Variants in PDZRN4 observed in about 807,000 individuals in gnomAD.
The protein encoded by PDZRN4 is PDZ domain containing ring finger 4.
PDZRN4 carries 70 observed loss-of-function variants against 99.0 expected under a neutral mutation model. The observed-to-expected ratio is 0.71, with a 90% CI of 0.58 to 0.86. PDZRN4 has a LOEUF of 0.86. PDZRN4 is among the 40% of genes least tolerant of loss of function. PDZRN4 has a pLI of 0.00. For synonymous variants in PDZRN4, 551 were observed against 501.6 expected, an observed-to-expected ratio of 1.10 and a Z score of -1.32; for missense variants, 1,474 against 1,331.2, an observed-to-expected ratio of 1.11 and a Z score of -1.67.
At position 41,516,633 on chromosome 12, in the gene PDZRN4, G is replaced by A. The variant is rs187197206; in HGVS notation, c.1203+6720G>A. Among the ~76,000 whole-genome samples, 56 of 152,134 alleles carry A rather than the reference G, an allele frequency of 3.7e-4. No individual in the cohort carries two copies. In the East Asian group the frequency reaches 9.3e-3, roughly 25 times the overall value. ...CATATGCGTGTTTTACCACAAATGC[G>A]TAAGCTGGTGAACCCTGGTAGATAG... On this transcript the variant is annotated intron_variant, in intron 5 of 9. Transcript: ENST00000402685.
chr12:41,200,083 A>G (rs1291957399), intron 3 of PDZRN4, among the ~76,000 whole-genome samples: 3 of 152,174 alleles, frequency 2.0e-5, no homozygotes, highest in Non-Finnish European at 4.4e-5. Flanking sequence ...GTGACACTGT[A>G]GATTTATTCA....
chr12:41,513,031 C>T (rs927996597), intron 5 of PDZRN4, among the ~76,000 whole-genome samples: 1 of 151,970 alleles, frequency 6.6e-6, no homozygotes, highest in East Asian at 1.9e-4. Context: ...TTTTTAAAGA[C>T]CTACTTACTA....
chr12:41,534,986 A>G (rs542910632), intron 5 of PDZRN4, among the ~76,000 whole-genome samples: 4 of 151,832 alleles, frequency 2.6e-5, no homozygotes, highest in African/African-American at 7.3e-5. Context: ...ACTAATTTCC[A>G]GTTGAGTAAT....
At chr12:41,368,892 G>A (rs1398006596) in intron 3 of PDZRN4, among the ~76,000 whole-genome samples, 1 of 151,974 alleles carries the variant, frequency 6.6e-6, no homozygotes, top group Non-Finnish European at 1.5e-5. Flanking sequence ...TCTTATGGGT[G>A]CCTCCTAGGA....
At chr12:41,477,406 A>G (rs1398428954) in intron 3 of PDZRN4, among the ~76,000 whole-genome samples, 3 of 152,212 alleles carry the variant, frequency 2.0e-5, no homozygotes, top group Non-Finnish European at 4.4e-5. Context: ...ATGTTTCATT[A>G]TGGTCATTAG....
intron 3 of PDZRN4, among the ~76,000 whole-genome samples, chr12:41,283,943 C>G (rs1419666389): frequency 6.6e-6 from 1 of 152,174 alleles, no homozygotes; most frequent in Non-Finnish European, 1.5e-5. Context: ...CCTTTGAAAA[C>G]TGGCACAAGA....
chr12:41,217,913 A>G (rs1021236239), intron 3 of PDZRN4, among the ~76,000 whole-genome samples: 1 of 152,118 alleles, frequency 6.6e-6, no homozygotes, highest in East Asian at 1.9e-4. Flanking sequence ...CACATGATTC[A>G]TATAAACTTC....
chr12:41,558,622 T>C (rs1172059534), intron 7 of PDZRN4, among the ~76,000 whole-genome samples: 1 of 152,206 alleles, frequency 6.6e-6, no homozygotes, highest in Non-Finnish European at 1.5e-5. Flanking sequence ...GGTAAGTTTT[T>C]AGAGAAAATA....
chr12:41,214,514 G>A (rs769683941), intron 3 of PDZRN4, among the ~76,000 whole-genome samples: 3 of 143,492 alleles, frequency 2.1e-5, no homozygotes, highest in Non-Finnish European at 3.0e-5. Context: ...CTCTAGATCC[G>A]AACCTGAGTA....
intron 3 of PDZRN4, among the ~76,000 whole-genome samples, chr12:41,225,967 C>T (rs1201306803): frequency 1.3e-5 from 2 of 151,972 alleles, no homozygotes; most frequent in Non-Finnish European, 2.9e-5. Flanking sequence ...TTTTTTCCTG[C>T]TATTCTTACC....
At chr12:41,466,065 A>T (rs564337733) in intron 3 of PDZRN4, among the ~76,000 whole-genome samples, 1 of 152,288 alleles carries the variant, frequency 6.6e-6, no homozygotes, top group East Asian at 1.9e-4. Context: ...ATTACATTTC[A>T]TGCCAGAATG....
Position 41,266,713 on chromosome 12 carries a change from A to C in PDZRN4, c.843+72525A>C, listed in dbSNP as rs1308129608. On this transcript the variant is annotated intron_variant, in intron 3 of 9. Transcript: ENST00000402685. ...AATCTTAGACTGATCTGTTTTTTAAATCAGTGAAGGCTGTGTAAATATCCA... is the reference window on the plus strand; with the variant it reads ...AATCTTAGACTGATCTGTTTTTTAACTCAGTGAAGGCTGTGTAAATATCCA... Among the ~76,000 whole-genome samples the C allele has an allele frequency of 2.0e-5, 3 of 152,230 alleles. No individual in the cohort carries two copies. In the East Asian group the frequency reaches 5.8e-4, roughly 29 times the overall value.
rs1950714469 is a variant in PDZRN4 at position 41,188,892 on chromosome 12, GCGGGGGGCCGCCGGGCGGC to G, written c.440_458del (p.Gly147AlafsTer75). On this transcript the variant is annotated frameshift_variant, in exon 1 of 10. Transcript: ENST00000402685. LOFTEE classifies it high-confidence loss of function. ...AGGGCTGGCCGGGGCGGGGGCGCGC[GCGGGGGGCCGCCGGGCGGC>G]CGCTGGGGCCGCGGGCGGGGACCCG... The G allele has an allele frequency of 3.7e-6, 4 of 1,089,746 alleles. No individual in the cohort carries two copies. The South Asian group carries it at 1.3e-4, about 35-fold the overall frequency. The allele number at this position is 1,089,746 out of a possible 1,614,324, so 67.5% of individuals were successfully genotyped here. A position where few individuals can be genotyped will look rare whatever the true frequency, so the allele number is the denominator to read the frequency against.
chr12:41,243,499 G>T (rs980859399), intron 3 of PDZRN4, among the ~76,000 whole-genome samples: 1 of 152,130 alleles, frequency 6.6e-6, no homozygotes, highest in Non-Finnish European at 1.5e-5. Flanking sequence ...AGAAGCAGAA[G>T]TTATTATTCA....
intron 3 of PDZRN4, among the ~76,000 whole-genome samples, chr12:41,446,851 T>A (rs1418926620): frequency 6.5e-5 from 2 of 30,592 alleles, no homozygotes; most frequent in Admixed American, 5.2e-4. Flanking sequence ...CCAAGGGCAA[T>A]TTTTTTTTTT....
At chr12:41,339,134 A>C (rs1361500759) in intron 3 of PDZRN4, among the ~76,000 whole-genome samples, 1 of 151,872 alleles carries the variant, frequency 6.6e-6, no homozygotes, top group East Asian at 1.9e-4. Flanking sequence ...AGCAAAAAAA[A>C]AAACAAAATG....
intron 3 of PDZRN4, among the ~76,000 whole-genome samples, chr12:41,202,090 C>A (rs1403913044): frequency 1.3e-5 from 2 of 152,084 alleles, no homozygotes; most frequent in African/African-American, 4.8e-5. Context: ...TGCAGAGGAA[C>A]TAAAAAGATG....
chr12:41,466,754 T>TTG (rs1555144906), intron 3 of PDZRN4, among the ~76,000 whole-genome samples: 1 of 150,954 alleles, frequency 6.6e-6, no homozygotes, highest in Non-Finnish European at 1.5e-5. Context: ...TTCCAGTGTT[T>TTG]TTTTTTTTTT....
intron 3 of PDZRN4, among the ~76,000 whole-genome samples, chr12:41,365,300 G>A (rs1383918901): frequency 6.6e-6 from 1 of 151,972 alleles, no homozygotes. Flanking sequence ...GCTTAGCCTC[G>A]ATCATATTAA....
Sources: allele counts gnomAD v4.1 joint callset (sites outside exome capture counted in the v4.1 genomes callset), GRCh38; gene constraint gnomAD v4.1.1; transcripts MANE v1.5; gene names NCBI Gene and HGNC (gene_info 2026-07-23, HGNC 2026-07-21).